PTPRJ: variants seen among roughly 807,000 people sequenced by gnomAD.
PTPRJ encodes the protein protein tyrosine phosphatase receptor type J.
In PTPRJ, 129 loss-of-function variants were observed where a neutral mutation model predicts 141.3. That is an observed-to-expected ratio of 0.91 (90% CI 0.79 to 1.06). PTPRJ has a LOEUF of 1.06. Ranked by LOEUF, PTPRJ falls within the 50% of genes least tolerant of loss-of-function variation. PTPRJ has a pLI of 0.00. For synonymous variants in PTPRJ, 610 were observed against 640.5 expected, an observed-to-expected ratio of 0.95 and a Z score of 0.72; for missense variants, 1,601 against 1,679.7, an observed-to-expected ratio of 0.95 and a Z score of 0.82.
chr11:48,145,252 C>G, intron 14 of PTPRJ, 128 bp downstream of exon 14: 1 of 1,344,192 alleles, frequency 7.4e-7, no homozygotes, highest in Non-Finnish European at 1.0e-6. Flanking sequence ...TCTCCCCTCC[C>G]AGAGGTTGAG....
In PTPRJ at chr11:48,106,101, T is replaced by G. The variant is rs560668483; in HGVS notation, c.97-3957T>G. ...CAGAAAGAAAAATTCGCAGTTCTAT[T>G]TATTTTTTTACTGTGGATTGAAGGG... is the stretch of plus-strand genomic sequence containing the variant. On this transcript the variant is annotated intron_variant, in intron 1 of 24. Transcript: ENST00000418331. 1.1e-4 allele frequency among the ~76,000 whole-genome samples: 16 copies of G among 152,328 alleles called. No homozygotes were observed. The South Asian group carries it at 2.3e-3, about 22-fold the overall frequency.
intron 14 of PTPRJ, 126 bp from the exon 15 acceptor site, chr11:48,146,750 C>A: frequency 1.4e-6 from 1 of 719,608 alleles, no homozygotes; most frequent in South Asian, 1.6e-5. Flanking sequence ...TGTGTGTGTG[C>A]ATGCATGTGT....
In PTPRJ at chr11:48,136,023, CCTTT is replaced by C. The variant is rs1230561297; in HGVS notation, c.1616-12_1616-9del. 3.1e-6 allele frequency: 5 copies of C among 1,607,160 alleles called. No homozygotes were observed. Among genetic ancestry groups the C allele is most frequent in the East Asian group, 2.2e-5 (1 of 44,694 alleles). ...ATAGTAACAGTTTTCCCTTCTCCTT[CCTTT>C]CTTCTGAGCAGTTCCCAGTGCAGTG... On this transcript the variant is annotated splice_polypyrimidine_tract_variant and intron_variant, in intron 8 of 24. Transcript: ENST00000418331.
At chr11:48,016,961 A>G (rs1191413643) in intron 1 of PTPRJ, among the ~76,000 whole-genome samples, 3 of 151,784 alleles carry the variant, frequency 2.0e-5, no homozygotes, top group African/African-American at 4.8e-5. Flanking sequence ...ACAGGGTCTC[A>G]TGTTGTGGCC....
At chr11:48,039,880 C>G (rs1854231733) in intron 1 of PTPRJ, among the ~76,000 whole-genome samples, 1 of 152,066 alleles carries the variant, frequency 6.6e-6, no homozygotes, top group Non-Finnish European at 1.5e-5. Context: ...CCTCCGCTTC[C>G]CGGGTTCAAG....
At chr11:48,093,387 C>CT (rs1168788774) in intron 1 of PTPRJ, among the ~76,000 whole-genome samples, 3 of 152,170 alleles carry the variant, frequency 2.0e-5, no homozygotes, top group Non-Finnish European at 2.9e-5. Flanking sequence ...TAAAGCATTT[C>CT]TTTTTATTAT....
intron 1 of PTPRJ, among the ~76,000 whole-genome samples, chr11:48,062,709 T>C (rs1590455896): frequency 6.6e-6 from 1 of 152,226 alleles, no homozygotes; most frequent in African/African-American, 2.4e-5. Flanking sequence ...ACAAGAAGAC[T>C]GCTTTGCCCT....
chr11:48,112,596 ATGT>A, intron 2 of PTPRJ, 148 bp from the exon 3 acceptor site: 3 of 650,690 alleles, frequency 4.6e-6, no homozygotes, highest in Admixed American at 2.8e-5. Context: ...TGAGGGGCTC[ATGT>A]TGTAGGTGAT....
chr11:48,057,551 C>T (rs886195198), intron 1 of PTPRJ, among the ~76,000 whole-genome samples: 4 of 152,166 alleles, frequency 2.6e-5, no homozygotes, highest in East Asian at 1.9e-4. Context: ...GGCCTTCTCA[C>T]GTGGGTCGAG....
In PTPRJ at chr11:48,169,636, C is replaced by A. The variant is rs1441562251; in HGVS notation, c.*2274C>A. The A allele has an allele frequency of 6.6e-6, 1 of 152,144 alleles. No homozygotes were observed. The highest frequency in any genetic ancestry group is 1.5e-5 in the Non-Finnish European group (1 of 68,038). The allele number at this position is 152,144 out of a possible 1,614,324, so 9.4% of individuals were successfully genotyped here. On this transcript the variant is annotated 3_prime_UTR_variant, in exon 25 of 25. Coordinates refer to ENST00000418331, the MANE Select transcript of PTPRJ (RefSeq NM_002843.4). The stretch of plus-strand genomic sequence containing the variant: ...GGCAAATCCCAGGGAGCTCCTAAGC[C>A]CTGCTCTGCCCACATCACTGCCACA...
intron 22 of PTPRJ, among the ~76,000 whole-genome samples, chr11:48,162,659 AGATGTAGGTCACATGGGTACG>A (rs1427029859): frequency 2.0e-5 from 3 of 152,238 alleles, no homozygotes; most frequent in Non-Finnish European, 4.4e-5. Context: ...CCTGCAGTGC[AGATGTAGGTCACATGGGTACG>A]GATGTAGGTC....
chr11:48,084,238 G>A (rs557074051), intron 1 of PTPRJ, among the ~76,000 whole-genome samples: 4 of 152,044 alleles, frequency 2.6e-5, no homozygotes, highest in Non-Finnish European at 5.9e-5. Context: ...GTGGAGTGGC[G>A]TGATCTTGGC....
chr11:47,996,803 A>G (rs4752805), intron 1 of PTPRJ, among the ~76,000 whole-genome samples: 62,796 of 152,184 alleles, frequency 0.41, 18,132 homozygotes, highest in African/African-American at 0.83. Context: ...AGCAGTCACC[A>G]AATCCTATGG....
At chr11:48,031,536 T>C (rs1254993966) in intron 1 of PTPRJ, among the ~76,000 whole-genome samples, 2 of 152,138 alleles carry the variant, frequency 1.3e-5, no homozygotes, top group Non-Finnish European at 2.9e-5. Flanking sequence ...CCATGTAAGA[T>C]TGGGGTCATG....
rs757851476 is a variant in PTPRJ, at chr11:48,156,137, T to G, written c.3438+18T>G. On this transcript the variant is annotated intron_variant, in intron 21 of 24. Coordinates refer to ENST00000418331, the MANE Select transcript of PTPRJ (RefSeq NM_002843.4). ...AGGGAAGAGTAAGTATCTTTTTTAG[T>G]TTTTAAAATTTAAAATTACATTAAT... 6.5e-7 allele frequency: 1 copy of G among 1,533,384 alleles called. No homozygotes were observed. The highest frequency in any genetic ancestry group is 8.9e-7 in the Non-Finnish European group (1 of 1,118,658). 95.0% of individuals were successfully genotyped at this position (1,533,384 alleles called of 1,614,324 possible). A position where few individuals can be genotyped will look rare whatever the true frequency, so the allele number is the denominator to read the frequency against.
intron 1 of PTPRJ, among the ~76,000 whole-genome samples, chr11:48,037,929 G>A (rs989301126): frequency 2.0e-5 from 3 of 151,740 alleles, no homozygotes; most frequent in Non-Finnish European, 4.4e-5. Flanking sequence ...GTGAGTCCAC[G>A]TGTGCCCTTG....
chr11:48,053,206 TTA>T (rs1434600745), intron 1 of PTPRJ, among the ~76,000 whole-genome samples: 1 of 94,112 alleles, frequency 1.1e-5, no homozygotes, highest in Non-Finnish European at 1.9e-5. Flanking sequence ...TATAAATATA[TTA>T]TATATAATAT....
intron 1 of PTPRJ, among the ~76,000 whole-genome samples, chr11:48,019,524 A>G (rs755029773): frequency 7.9e-5 from 12 of 152,196 alleles, no homozygotes; most frequent in African/African-American, 1.2e-4. Context: ...ACTCAGGTTA[A>G]GGGGTGAAAA....
chr11:48,051,050 T>C (rs938332898), intron 1 of PTPRJ, among the ~76,000 whole-genome samples: 1 of 151,018 alleles, frequency 6.6e-6, no homozygotes, highest in Non-Finnish European at 1.5e-5. Context: ...ACTAATATAG[T>C]ACTTTTCAGA....
Sources: allele counts gnomAD v4.1 joint callset (sites outside exome capture counted in the v4.1 genomes callset), GRCh38; gene constraint gnomAD v4.1.1; transcripts MANE v1.5; gene names NCBI Gene and HGNC (gene_info 2026-07-23, HGNC 2026-07-21).